Variants in USP10 observed in about 807,000 individuals in gnomAD.
USP10 encodes ubiquitin carboxyl-terminal hydrolase 10.
USP10 carries 22 observed loss-of-function variants against 84.5 expected under a neutral mutation model. That is an observed-to-expected ratio of 0.26 (90% CI 0.19 to 0.37). The LOEUF is 0.37. USP10 is among the 10% of genes least tolerant of loss of function. USP10 has a pLI of 1.00. For synonymous variants in USP10, 454 were observed against 387.6 expected (o/e 1.17, Z -2.01); for missense variants, 1,019 against 998.9 (o/e 1.02, Z -0.27).
At chr16:84,726,103 C>G (rs1048771548) in intron 1 of USP10, among the ~76,000 whole-genome samples, 5 of 152,216 alleles carry the variant, frequency 3.3e-5, no homozygotes, top group African/African-American at 1.2e-4. Flanking sequence ...GGGCTGATCT[C>G]CTATTTCTAT....
chr16:84,759,458 C>T lies in USP10; in HGVS notation c.1380C>T (p.Pro460=). 1 of 1,613,862 alleles carries T rather than the reference C, an allele frequency of 6.2e-7. No individual in the cohort carries two copies. The highest frequency in any genetic ancestry group is 8.5e-7 in the Non-Finnish European group (1 of 1,179,782). The part of the protein sequence containing the change: ...SKVQRPCTST[P]MIDSFVRLMN... ...TGCAAAGGCCTTGTACGTCAACACCCATGATAGACAGCTTGTAAGTAAGGT... is the reference window on the plus strand; with the variant it reads ...TGCAAAGGCCTTGTACGTCAACACCTATGATAGACAGCTTGTAAGTAAGGT... The change falls in exon 6 of 14, where the codon CCC becomes CCT. Residue 460 remains proline, a synonymous_variant. Transcript: ENST00000219473.
At chr16:84,766,789 T>C (rs1374712040) in intron 10 of USP10, among the ~76,000 whole-genome samples, 1 of 152,216 alleles carries the variant, frequency 6.6e-6, no homozygotes, top group Non-Finnish European at 1.5e-5. Context: ...ATGTTTCTTT[T>C]TGAAAAACGG....
chr16:84,707,751 A>G (rs919063960), intron 1 of USP10, among the ~76,000 whole-genome samples: 1 of 152,054 alleles, frequency 6.6e-6, no homozygotes, highest in Admixed American at 6.5e-5. Flanking sequence ...AACTTATAAC[A>G]TGTTGTCCAA....
At chr16:84,714,984 C>T (rs1906823429) in intron 1 of USP10, among the ~76,000 whole-genome samples, 1 of 149,146 alleles carries the variant, frequency 6.7e-6, no homozygotes, top group Admixed American at 6.7e-5. Context: ...GGCTGGAGTG[C>T]AGTTCGCAGT....
chr16:84,728,496 C>G (rs541090167), intron 1 of USP10, among the ~76,000 whole-genome samples: 1 of 151,984 alleles, frequency 6.6e-6, no homozygotes, highest in African/African-American at 2.4e-5. Context: ...TGTGCCACCA[C>G]GCCCGGCTAA....
At chr16:84,727,448 T>C (rs976209472) in intron 1 of USP10, among the ~76,000 whole-genome samples, 7 of 149,236 alleles carry the variant, frequency 4.7e-5, no homozygotes, top group African/African-American at 1.7e-4. Context: ...ATTTTCAGTG[T>C]TAGCTTTAAA....
In USP10 at chr16:84,768,223, A is replaced by T; in HGVS notation, c.1863A>T (p.Glu621Asp). 2 of 1,598,888 alleles carry T rather than the reference A, an allele frequency of 1.3e-6. No individual in the cohort carries two copies. Residue 621 changes from glutamate to aspartate, a missense_variant, in exon 11 of 14, where the codon GAA becomes GAT. Around this residue, in one of 2 missense-constraint regions of USP10, gnomAD observed 232 missense variants for 290.1 expected, o/e 0.80. Transcript: ENST00000219473. The stretch of plus-strand genomic sequence containing the variant: ...TGGTTTACCAGCAGAGTTCAAAAGA[A>T]TCTGCCACTTTGCAGCCATTTTTCA... Reference protein sequence around the residue: ...RSVVYQQSSKESATLQPFFTL... With the variant: ...RSVVYQQSSKDSATLQPFFTL...
Position 84,771,755 on chromosome 16 carries a change from C to T in USP10, c.1999-786C>T, listed in dbSNP as rs367579382. ...TGGTGGTGGGAGCCTGTAATCCCAG[C>T]TACTCAGGAGGCTGAGGCAGGAGAA... is the stretch of plus-strand genomic sequence containing the variant. On this transcript the variant is annotated intron_variant, in intron 11 of 13. Transcript: ENST00000219473. 2.7e-4 allele frequency among the ~76,000 whole-genome samples: 41 copies of T among 152,114 alleles called. 1 individual carries two copies. In the East Asian group the frequency reaches 6.4e-3, roughly 24 times the overall value.
At chr16:84,745,799 A>T in intron 4 of USP10, 126 bp downstream of exon 4, 2 of 981,636 alleles carry the variant, frequency 2.0e-6, no homozygotes, top group Non-Finnish European at 1.5e-6. Context: ...CGTCTGAAGG[A>T]TGCCTATGTC....
chr16:84,762,203 C>A (rs556693108), intron 8 of USP10, among the ~76,000 whole-genome samples: 1 of 152,178 alleles, frequency 6.6e-6, no homozygotes, highest in African/African-American at 2.4e-5. Context: ...AGTTTTTCCA[C>A]ATGTAGTTTG....
At chr16:84,734,164 C>A (rs1464182163) in intron 2 of USP10, among the ~76,000 whole-genome samples, 3 of 152,050 alleles carry the variant, frequency 2.0e-5, no homozygotes, top group East Asian at 1.9e-4. Flanking sequence ...GTTCTGTGGA[C>A]CGAGCCTCTT....
chr16:84,701,133 A>G (rs1429999339), intron 1 of USP10, among the ~76,000 whole-genome samples: 7 of 152,210 alleles, frequency 4.6e-5, no homozygotes, highest in Admixed American at 2.6e-4. Flanking sequence ...TTCATGAGCA[A>G]TTGGGTTTTG....
At chr16:84,763,463 A>G (rs531783315) in intron 9 of USP10, among the ~76,000 whole-genome samples, 5 of 152,296 alleles carry the variant, frequency 3.3e-5, no homozygotes, top group South Asian at 2.1e-4. Flanking sequence ...ATACGCATAC[A>G]TTTTCCCTGA....
intron 1 of USP10, among the ~76,000 whole-genome samples, chr16:84,713,399 C>T (rs1010071763): frequency 1.3e-5 from 2 of 152,102 alleles, no homozygotes; most frequent in Non-Finnish European, 2.9e-5. Context: ...CGCCCTCCTT[C>T]ACACTTGTCA....
At chr16:84,721,649 C>T (rs1247856243) in intron 1 of USP10, among the ~76,000 whole-genome samples, 1 of 151,980 alleles carries the variant, frequency 6.6e-6, no homozygotes, top group African/African-American at 2.4e-5. Flanking sequence ...TGCCTCAGCC[C>T]TCCCAAGTAA....
intron 1 of USP10, among the ~76,000 whole-genome samples, chr16:84,719,072 A>C (rs370760094): frequency 2.0e-4 from 31 of 152,170 alleles, no homozygotes; most frequent in African/African-American, 7.5e-4. Context: ...GATTACAGGC[A>C]TGAGCCACCG....
intron 4 of USP10, among the ~76,000 whole-genome samples, chr16:84,757,249 C>T (rs879846032): frequency 9.2e-5 from 14 of 152,092 alleles, no homozygotes; most frequent in Non-Finnish European, 2.1e-4. Context: ...GAGAGAGGAG[C>T]TTTGCAAACT....
chr16:84,747,017 G>T (rs1911305338), intron 4 of USP10, among the ~76,000 whole-genome samples: 1 of 152,162 alleles, frequency 6.6e-6, no homozygotes, highest in Non-Finnish European at 1.5e-5. Flanking sequence ...CCTGCACAGG[G>T]TCAGGAGCAT....
At chr16:84,749,947 CAGGGGAGAG>C (rs1911711343) in intron 4 of USP10, among the ~76,000 whole-genome samples, 2 of 152,142 alleles carry the variant, frequency 1.3e-5, no homozygotes, top group Non-Finnish European at 2.9e-5. Context: ...AAGGACACGC[CAGGGGAGAG>C]CGTGTGAACT....
Sources: gnomAD v4.1 joint callset for allele counts (sites outside exome capture counted in the v4.1 genomes callset) on GRCh38, gnomAD v4.1.1 for gene constraint, gnomAD v4.1.1 regional missense constraint, MANE v1.5 for transcripts, NCBI Gene and HGNC (gene_info 2026-07-23, HGNC 2026-07-21) for gene names.